The following PRDM16 variants were observed in gnomAD, a reference collection of about 807,000 sequenced individuals.
The protein encoded by PRDM16 is histone-lysine N-methyltransferase PRDM16.
A neutral mutation model predicts 110.6 loss-of-function variants in PRDM16; 23 were observed. That is an observed-to-expected ratio of 0.21 (90% CI 0.15 to 0.29). The LOEUF is 0.29. Among genes scored for constraint, PRDM16 ranks in the 10% least tolerant of loss-of-function variants. PRDM16 has a pLI of 1.00. For missense variants in PRDM16, 1,615 were observed against 1,794.3 expected, an observed-to-expected ratio of 0.90 and a Z score of 1.81; for synonymous variants, 799 against 781.8, an observed-to-expected ratio of 1.02 and a Z score of -0.37.
At chr1:3,218,158 G>A (rs1639074664) in intron 2 of PRDM16, among the ~76,000 whole-genome samples, 1 of 152,236 alleles carries the variant, frequency 6.6e-6, no homozygotes, top group South Asian at 2.1e-4. Flanking sequence ...CTGGCGTGAC[G>A]GCCAGAGGAG....
intron 2 of PRDM16, among the ~76,000 whole-genome samples, chr1:3,189,459 G>A (rs920479963): frequency 2.0e-4 from 31 of 152,308 alleles, no homozygotes; most frequent in African/African-American, 7.2e-4. Context: ...CCAGCGTCAC[G>A]CCAGCAAGAT....
At chr1:3,329,759 C>T (rs1049862432) in intron 3 of PRDM16, among the ~76,000 whole-genome samples, 1 of 152,224 alleles carries the variant, frequency 6.6e-6, no homozygotes, top group African/African-American at 2.4e-5. Flanking sequence ...CACCCCAGGC[C>T]GTGCGGCTTC....
intron 3 of PRDM16, among the ~76,000 whole-genome samples, chr1:3,380,900 C>G (rs1207117436): frequency 6.6e-6 from 1 of 152,194 alleles, no homozygotes; most frequent in Non-Finnish European, 1.5e-5. Flanking sequence ...TGATATGGGC[C>G]TGGAGACTGG....
At position 3,196,052 on chromosome 1, in the gene PRDM16, G is replaced by C. The variant is rs566542937; in HGVS notation, c.387+9578G>C. 7.9e-5 allele frequency among the ~76,000 whole-genome samples: 12 copies of C among 152,356 alleles called. No homozygotes were observed. In the South Asian group the frequency reaches 1.9e-3, roughly 24 times the overall value. ...GGAATAGCTCCCAGCCCCCAGGTTTGTCCATGCAGGGGCCCAGAGGCAGGT... is the reference window on the plus strand; with the variant it reads ...GGAATAGCTCCCAGCCCCCAGGTTTCTCCATGCAGGGGCCCAGAGGCAGGT... On this transcript the variant is annotated intron_variant, in intron 2 of 16. Transcript: ENST00000270722.
Position 3,426,083 on chromosome 1 carries a change from C to G in PRDM16, c.3142C>G (p.Leu1048Val). The change falls in exon 14 of 17, where the codon CTG becomes GTG. Residue 1048 changes from leucine to valine, a missense_variant. Physicochemically the swap from Leu to Val is conservative, Grantham distance 32. This residue lies in a region of PRDM16 where 327 missense variants were observed against 359.3 expected (regional missense o/e 0.91). Coordinates refer to ENST00000270722, the MANE Select transcript of PRDM16 (RefSeq NM_022114.4). ...SQHPGVLTNH[L>V]GTSASSPTSE... The stretch of plus-strand genomic sequence containing the variant: ...GCACCCCGGGGTCCTCACGAACCAC[C>G]TGGGGACCAGCGCGTCCTCTCCCAC... 1 of 1,613,858 alleles carries G rather than the reference C, an allele frequency of 6.2e-7. No individual in the cohort carries two copies. Among genetic ancestry groups the G allele is most frequent in the Non-Finnish European group, 8.5e-7 (1 of 1,179,976 alleles).
chr1:3,436,540 C>A lies in PRDM16; in HGVS notation c.*2729C>A. ...TTCAGGAGGCCCTGTTCTTAGAGCCCCTGACAAAGGCAGCACTTATTTCCT... is the reference window on the plus strand; with the variant it reads ...TTCAGGAGGCCCTGTTCTTAGAGCCACTGACAAAGGCAGCACTTATTTCCT... On this transcript the variant is annotated 3_prime_UTR_variant, in exon 17 of 17. Coordinates refer to ENST00000270722, the MANE Select transcript of PRDM16 (RefSeq NM_022114.4). 1 of 231,784 alleles carries A rather than the reference C, an allele frequency of 4.3e-6. No individual in the cohort carries two copies. The highest frequency in any genetic ancestry group is 6.1e-5 in the East Asian group (1 of 16,424). The allele number at this position is 231,784 out of a possible 1,614,324, so 14.4% of individuals were successfully genotyped here.
In PRDM16 at chr1:3,275,992, G is replaced by A. The variant is rs560415882; in HGVS notation, c.438+31855G>A. ...ACTCCAGCACACGCGTGCCTGCTGC[G>A]GCCTCCCCGGTCTCTCTCACGCCGT... On this transcript the variant is annotated intron_variant, in intron 3 of 16. Coordinates refer to ENST00000270722, the MANE Select transcript of PRDM16 (RefSeq NM_022114.4). Among the ~76,000 whole-genome samples the A allele has an allele frequency of 2.0e-5, 3 of 152,304 alleles. No individual in the cohort carries two copies. In the East Asian group the frequency reaches 5.8e-4, roughly 29 times the overall value.
In PRDM16 at chr1:3,412,721, G is replaced by C. The variant is rs527355817; in HGVS notation, c.2524G>C (p.Val842Leu). The C allele has an allele frequency of 7.8e-5, 118 of 1,505,970 alleles. No homozygotes were observed. Among genetic ancestry groups the C allele is most frequent in the Non-Finnish European group, 9.8e-5 (111 of 1,127,652 alleles). The allele number at this position is 1,505,970 out of a possible 1,614,324, so 93.3% of individuals were successfully genotyped here. A position where few individuals can be genotyped will look rare whatever the true frequency, so the allele number is the denominator to read the frequency against. Residue 842 changes from valine to leucine, a missense_variant, in exon 9 of 17, where the codon GTG becomes CTG. Transcript: ENST00000270722. ...GGGCGCCGGCGAGGGGCTGCCCCAG[G>C]TGTGCCCGGCGCGGATGCCCCAGCA... ...KLGAGEGLPQ[V>L]CPARMPQQPP...
intron 1 of PRDM16, chr1:3,133,790 C>A (rs1643381812): frequency 6.6e-6 from 1 of 152,160 alleles, no homozygotes; most frequent in Admixed American, 6.5e-5. Flanking sequence ...CTGCTGGGAG[C>A]CAAGGGTATG....
chr1:3,351,376 C>A (rs559201759), intron 3 of PRDM16, among the ~76,000 whole-genome samples: 1 of 151,834 alleles, frequency 6.6e-6, no homozygotes, highest in Non-Finnish European at 1.5e-5. Flanking sequence ...CCAGGGCCCA[C>A]GTGGGGTCCC....
At chr1:3,341,424 A>C (rs1642269834) in intron 3 of PRDM16, among the ~76,000 whole-genome samples, 1 of 152,132 alleles carries the variant, frequency 6.6e-6, no homozygotes, top group Admixed American at 6.5e-5. Flanking sequence ...ACTTTGCCCC[A>C]TGCTTCCTAA....
chr1:3,215,742 G>A (rs139121602), intron 2 of PRDM16, among the ~76,000 whole-genome samples: 2 of 152,108 alleles, frequency 1.3e-5, no homozygotes, highest in Admixed American at 6.5e-5. Flanking sequence ...CCTCCTCCTC[G>A]GGTGCCCCCA....
rs1642028827 is a variant in PRDM16, at chr1:3,081,524, C to G, written c.37+12228C>G. Among the ~76,000 whole-genome samples the G allele has an allele frequency of 6.6e-6, 1 of 152,152 alleles. No individual in the cohort carries two copies. Among genetic ancestry groups the G allele is most frequent in the Non-Finnish European group, 1.5e-5 (1 of 68,018 alleles). On this transcript the variant is annotated intron_variant, in intron 1 of 16. Transcript: ENST00000270722. The surrounding 1 kb of genome is among the most constrained non-coding windows in gnomAD (Gnocchi z 4.6). The stretch of plus-strand genomic sequence containing the variant: ...ACGCCGACTTGCATTTTCTGACAGT[C>G]CCCAGCTCTCTCTGCAGAGTATAGG...
chr1:3,083,336 C>A (rs114273233), intron 1 of PRDM16, among the ~76,000 whole-genome samples: 1 of 152,234 alleles, frequency 6.6e-6, no homozygotes, highest in Non-Finnish European at 1.5e-5. Flanking sequence ...CTGGGCGGCG[C>A]GCTCATTTCA....
At chr1:3,355,765 C>T (rs568449737) in intron 3 of PRDM16, among the ~76,000 whole-genome samples, 47 of 152,276 alleles carry the variant, frequency 3.1e-4, no homozygotes, top group African/African-American at 8.7e-4. Flanking sequence ...TCAGGGGTTG[C>T]GGTCCACTTG....
rs571147537 is a variant in PRDM16 at position 3,180,716 on chromosome 1, C to T, written c.38-5409C>T. Among the ~76,000 whole-genome samples the T allele has an allele frequency of 5.3e-4, 81 of 152,060 alleles. 3 individuals are homozygous for T. The South Asian group carries it at 0.017, about 31-fold the overall frequency. ...AGCCCCTCACCCAGCAGACGGGAGA[C>T]CCTTCCTCCTGAGGGGTCTCCAGAC... On this transcript the variant is annotated intron_variant, in intron 1 of 16. Coordinates refer to ENST00000270722, the MANE Select transcript of PRDM16 (RefSeq NM_022114.4).
intron 1 of PRDM16, among the ~76,000 whole-genome samples, chr1:3,083,944 T>C (rs925399695): frequency 1.3e-5 from 2 of 152,196 alleles, no homozygotes; most frequent in Non-Finnish European, 2.9e-5. Flanking sequence ...TGGACTGGCT[T>C]TACCGTGGAG....
chr1:3,146,924 G>C (rs111163184), intron 1 of PRDM16, among the ~76,000 whole-genome samples: 3,849 of 92,912 alleles, frequency 0.041, 155 homozygotes, highest in East Asian at 0.15. Flanking sequence ...GGGGGGGTGT[G>C]TGTGCACGTG....
chr1:3,158,198 T>C (rs1454136269), intron 1 of PRDM16, among the ~76,000 whole-genome samples: 1 of 152,142 alleles, frequency 6.6e-6, no homozygotes, highest in Non-Finnish European at 1.5e-5. Context: ...TGATCCTCTC[T>C]CATTTGACCG....
Sources: allele counts gnomAD v4.1 joint callset (sites outside exome capture counted in the v4.1 genomes callset), GRCh38; gene constraint gnomAD v4.1.1; regional missense constraint gnomAD v4.1.1; non-coding constraint Gnocchi (gnomAD v3.1); transcripts MANE v1.5; gene names NCBI Gene and HGNC (gene_info 2026-07-23, HGNC 2026-07-21).